The following RABGAP1L variants were observed in gnomAD, a reference collection of about 807,000 sequenced individuals.
The protein encoded by RABGAP1L is RAB GTPase activating protein 1 like, also known as rab GTPase-activating protein 1-like.
RABGAP1L carries 63 observed loss-of-function variants against 137.7 expected under a neutral mutation model. The ratio of observed to expected loss-of-function variants is 0.46; its 90% confidence interval spans 0.37 to 0.56. The LOEUF is 0.56. Among genes scored for constraint, RABGAP1L ranks in the 20% least tolerant of loss-of-function variants. The probability of loss-of-function intolerance (pLI) is 0.00; values close to 1 mark genes in which losing one functional copy is unlikely to be tolerated. For missense variants in RABGAP1L, 1,095 were observed against 1,244.0 expected, an observed-to-expected ratio of 0.88 and a Z score of 1.80; for synonymous variants, 431 against 433.7, an observed-to-expected ratio of 0.99 and a Z score of 0.08.
intron 13 of RABGAP1L, among the ~76,000 whole-genome samples, chr1:174,596,710 T>A (rs1669958226): frequency 6.6e-6 from 1 of 152,210 alleles, no homozygotes; most frequent in South Asian, 2.1e-4. Context: ...CCTTTATTTC[T>A]TTATCTTATC....
intron 19 of RABGAP1L, among the ~76,000 whole-genome samples, chr1:174,918,177 CT>C (rs1262874135): frequency 6.6e-6 from 1 of 152,078 alleles, no homozygotes; most frequent in South Asian, 2.1e-4. Flanking sequence ...TGCAAAGAGA[CT>C]TAAGTGTATG....
intron 1 of RABGAP1L, among the ~76,000 whole-genome samples, chr1:174,192,287 T>A (rs563933061): frequency 6.6e-6 from 1 of 151,804 alleles, no homozygotes; most frequent in East Asian, 1.9e-4. Context: ...CAAGAGAGTC[T>A]AATTGAGTCA....
chr1:174,629,128 CT>C (rs1673133565), intron 13 of RABGAP1L, among the ~76,000 whole-genome samples: 1 of 152,082 alleles, frequency 6.6e-6, no homozygotes, highest in African/African-American at 2.4e-5. Context: ...GGTTTTGTAA[CT>C]TTCTTGACTC....
At position 174,655,744 on chromosome 1, in the gene RABGAP1L, T is replaced by C. The variant is rs187344560; in HGVS notation, c.1824+18256T>C. On this transcript the variant is annotated intron_variant, in intron 14 of 25. Transcript: ENST00000681986. ...ACTCATGAATTCTCATTTTATTCAA[T>C]GGATTGTATTTCCTTGCTATCATTA... is the stretch of plus-strand genomic sequence containing the variant. Among the ~76,000 whole-genome samples the C allele has an allele frequency of 1.6e-3, 238 of 152,364 alleles. 1 individual carries two copies. Among genetic ancestry groups the C allele is most frequent in the African/African-American group, 5.6e-3 (231 of 41,592 alleles).
chr1:174,628,169 T>C (rs1337373867), intron 13 of RABGAP1L, among the ~76,000 whole-genome samples: 1 of 152,166 alleles, frequency 6.6e-6, no homozygotes, highest in Non-Finnish European at 1.5e-5. Context: ...ATCTGAATAG[T>C]TGTTCACTGT....
intron 18 of RABGAP1L, among the ~76,000 whole-genome samples, chr1:174,803,771 C>T (rs1688979064): frequency 6.6e-6 from 1 of 151,752 alleles, no homozygotes. Flanking sequence ...CCCACCCTAC[C>T]TCTTTCAAAA....
At chr1:174,313,706 A>G (rs1679083592) in intron 11 of RABGAP1L, among the ~76,000 whole-genome samples, 1 of 152,046 alleles carries the variant, frequency 6.6e-6, no homozygotes, top group Non-Finnish European at 1.5e-5. Context: ...AGCTTTTTTG[A>G]GGGTTTTTAA....
At chr1:174,164,078 C>A (rs1038952454) in intron 1 of RABGAP1L, among the ~76,000 whole-genome samples, 8 of 151,700 alleles carry the variant, frequency 5.3e-5, no homozygotes, top group African/African-American at 1.5e-4. Flanking sequence ...TTTTTTTATA[C>A]TATGGATTTC....
chr1:174,744,452 T>C (rs1336325652), intron 17 of RABGAP1L, among the ~76,000 whole-genome samples: 3 of 152,226 alleles, frequency 2.0e-5, no homozygotes, highest in African/African-American at 7.2e-5. Context: ...AGAAGCCAAA[T>C]GGATTTTCTT....
At chr1:174,670,429 T>C (rs1374526373) in intron 14 of RABGAP1L, among the ~76,000 whole-genome samples, 1 of 152,134 alleles carries the variant, frequency 6.6e-6, no homozygotes, top group Non-Finnish European at 1.5e-5. Flanking sequence ...TTTTAAAATG[T>C]ACAGTTAAGT....
intron 19 of RABGAP1L, among the ~76,000 whole-genome samples, chr1:174,912,894 CT>C (rs1660273182): frequency 6.6e-6 from 1 of 151,934 alleles, no homozygotes; most frequent in South Asian, 2.1e-4. Flanking sequence ...GCTTTTGTCT[CT>C]TTATCATATA....
intron 18 of RABGAP1L, among the ~76,000 whole-genome samples, chr1:174,781,019 G>A (rs1029554830): frequency 1.5e-4 from 23 of 151,990 alleles, no homozygotes; most frequent in African/African-American, 4.4e-4. Flanking sequence ...GAGTAGTACC[G>A]CAATAAACAT....
intron 13 of RABGAP1L, among the ~76,000 whole-genome samples, chr1:174,617,362 A>G (rs1346271322): frequency 1.3e-5 from 2 of 152,238 alleles, no homozygotes; most frequent in African/African-American, 2.4e-5. Flanking sequence ...TCAGGAAAGA[A>G]AGTTGTAATA....
chr1:174,427,792 A>G (rs1216314814), intron 13 of RABGAP1L, among the ~76,000 whole-genome samples: 1 of 152,188 alleles, frequency 6.6e-6, no homozygotes, highest in Non-Finnish European at 1.5e-5. Context: ...AAGGGACACT[A>G]ATCAGTCCAC....
At chr1:174,511,481 A>G (rs969061396) in intron 13 of RABGAP1L, among the ~76,000 whole-genome samples, 1 of 152,210 alleles carries the variant, frequency 6.6e-6, no homozygotes, top group Non-Finnish European at 1.5e-5. Flanking sequence ...AGAGAAATTA[A>G]AAGTTCATGC....
intron 13 of RABGAP1L, among the ~76,000 whole-genome samples, chr1:174,622,053 A>C (rs1252275961): frequency 6.6e-6 from 1 of 152,244 alleles, no homozygotes; most frequent in Non-Finnish European, 1.5e-5. Context: ...GGATATGAAT[A>C]GACAGTTCTC....
chr1:174,308,595 G>A (rs1032713861), intron 11 of RABGAP1L, among the ~76,000 whole-genome samples: 6 of 151,890 alleles, frequency 4.0e-5, no homozygotes, highest in Admixed American at 1.3e-4. Context: ...TGCATGTTGT[G>A]GATATCCAGT....
intron 19 of RABGAP1L, among the ~76,000 whole-genome samples, chr1:174,910,806 G>A (rs543525147): frequency 1.2e-4 from 19 of 152,208 alleles, no homozygotes; most frequent in Non-Finnish European, 2.2e-4. Context: ...CAGTTATTTT[G>A]GGTATATACC....
At chr1:174,660,477 T>C (rs1490365051) in intron 14 of RABGAP1L, among the ~76,000 whole-genome samples, 2 of 152,152 alleles carry the variant, frequency 1.3e-5, no homozygotes, top group Non-Finnish European at 2.9e-5. Flanking sequence ...ATAGCCAGAA[T>C]CTTATTATTT....
Sources: gnomAD v4.1 joint callset for allele counts (sites outside exome capture counted in the v4.1 genomes callset) on GRCh38, gnomAD v4.1.1 for gene constraint, MANE v1.5 for transcripts, NCBI Gene and HGNC (gene_info 2026-07-23, HGNC 2026-07-21) for gene names.